The following TTLL10 variants were observed in gnomAD, a reference collection of about 807,000 sequenced individuals.
TTLL10 encodes tubulin tyrosine ligase like 10.
Under a neutral mutation model 69.0 loss-of-function variants are expected in TTLL10, and 61 were observed. The ratio of observed to expected loss-of-function variants is 0.88; its 90% confidence interval spans 0.72 to 1.09. The LOEUF (loss-of-function observed/expected upper bound fraction) is 1.09, where lower values mean the gene tolerates loss of function less well. TTLL10 is among the 50% of genes least tolerant of loss of function. The pLI, the probability that TTLL10 is intolerant of heterozygous loss-of-function variation, is 0.00. For missense variants in TTLL10, 962 were observed against 945.9 expected (o/e 1.02, Z -0.22); for synonymous variants, 408 against 393.3 (o/e 1.04, Z -0.44).
chr1:1,193,838 G>T (rs1648014161), intron 13 of TTLL10, among the ~76,000 whole-genome samples: 1 of 152,088 alleles, frequency 6.6e-6, no homozygotes, highest in African/African-American at 2.4e-5. Flanking sequence ...TTGTCCTGAG[G>T]ATTACCATTA....
rs553642565 is a variant in TTLL10 at position 1,180,396 on chromosome 1, G to T, written c.506+56G>T. 3.8e-4 allele frequency: 587 copies of T among 1,539,584 alleles called. 6 individuals are homozygous for T. In the East Asian group the frequency reaches 0.013, roughly 33 times the overall value. The stretch of plus-strand genomic sequence containing the variant: ...CACTGAATACCCACCGCCTGCTCCC[G>T]GGGCCCAGCCCGGCCTCCGCTGGCC... On this transcript the variant is annotated intron_variant, in intron 6 of 15. Coordinates refer to ENST00000379289, the MANE Select transcript of TTLL10 (RefSeq NM_001130045.2).
intron 13 of TTLL10, among the ~76,000 whole-genome samples, chr1:1,194,553 C>T (rs1648064417): frequency 6.6e-6 from 1 of 152,158 alleles, no homozygotes; most frequent in Admixed American, 6.6e-5. Flanking sequence ...ATGTCTTAAT[C>T]TCCCCTTCAT....
Position 1,197,573 on chromosome 1 carries a change from G to T in TTLL10, c.1748G>T (p.Arg583Leu). The change falls in exon 16 of 16, where the codon CGC becomes CTC. Residue 583 changes from arginine to leucine, a missense_variant. Transcript: ENST00000379289. ...CACCTGGGGGGCTCGTGCAGCCTCC[G>T]CCGCTGGCCGCCCCTGCCCACCCGC... ...RPHLGGSCSL[R>L]RWPPLPTRQA... 6.6e-7 allele frequency: 1 copy of T among 1,514,972 alleles called. No individual in the cohort carries two copies. The highest frequency in any genetic ancestry group is 1.2e-5 in the South Asian group (1 of 81,394). The allele number at this position is 1,514,972 out of a possible 1,614,324, so 93.8% of individuals were successfully genotyped here.
In TTLL10 at chr1:1,197,586, C is replaced by T. The variant is rs2274790; in HGVS notation, c.1761C>T (p.Pro587=). 2 of 1,513,560 alleles carry T rather than the reference C, an allele frequency of 1.3e-6. No individual in the cohort carries two copies. The highest frequency in any genetic ancestry group is 2.5e-5 in the South Asian group (2 of 81,262). 93.8% of individuals were successfully genotyped at this position (1,513,560 alleles called of 1,614,324 possible). The part of the protein sequence containing the change: ...GGSCSLRRWP[P]LPTRQAKSSG... ...CGTGCAGCCTCCGCCGCTGGCCGCC[C>T]CTGCCCACCCGCCAGGCCAAGTCCT... Residue 587 remains proline (P), a synonymous_variant, in exon 16 of 16, where the codon CCC becomes CCT. Coordinates refer to ENST00000379289, the MANE Select transcript of TTLL10 (RefSeq NM_001130045.2).
chr1:1,195,306 G>C (rs1648118035), intron 13 of TTLL10, among the ~76,000 whole-genome samples: 1 of 151,358 alleles, frequency 6.6e-6, no homozygotes, highest in African/African-American at 2.4e-5. Context: ...TTTTCTTTCT[G>C]TTCCTCAGAC....
chr1:1,197,902 C>T lies in TTLL10; in HGVS notation c.*55C>T. 5 of 1,376,094 alleles carry T rather than the reference C, an allele frequency of 3.6e-6. No individual in the cohort carries two copies. The highest frequency in any genetic ancestry group is 3.7e-6 in the Non-Finnish European group (4 of 1,066,782). The allele number at this position is 1,376,094 out of a possible 1,614,324, so 85.2% of individuals were successfully genotyped here. A position where few individuals can be genotyped will look rare whatever the true frequency, so the allele number is the denominator to read the frequency against. ...CCCCGCGCCCCAGCCGTGCTGCCTG[C>T]CCTCAGGGACCTATAAAGCCCACTT... On this transcript the variant is annotated 3_prime_UTR_variant, in exon 16 of 16. Coordinates refer to ENST00000379289, the MANE Select transcript of TTLL10 (RefSeq NM_001130045.2).
intron 13 of TTLL10, among the ~76,000 whole-genome samples, chr1:1,196,167 G>A (rs1319377515): frequency 6.6e-6 from 1 of 152,132 alleles, no homozygotes. Context: ...TTATAAATGA[G>A]GTCTATTTTG....
chr1:1,180,209 G>C lies in TTLL10; in HGVS notation c.375G>C (p.Ser125=). 1 of 1,610,956 alleles carries C rather than the reference G, an allele frequency of 6.2e-7. No homozygotes were observed. The highest frequency in any genetic ancestry group is 8.5e-7 in the Non-Finnish European group (1 of 1,179,302). The change falls in exon 6 of 16, where the codon TCG becomes TCC. Residue 125 remains serine (S), a synonymous_variant. Transcript: ENST00000379289. The part of the protein sequence containing the change: ...GLLNSHRPAD[S]DDTNAAGPSA... ...TGAACAGCCACCGGCCTGCAGACTC[G>C]GATGACACTAACGCCGCCGGGCCCT...
chr1:1,179,121 T>C, intron 3 of TTLL10, 68 bp from the exon 4 acceptor site: 5 of 1,117,164 alleles, frequency 4.5e-6, no homozygotes, highest in Non-Finnish European at 5.0e-6. Context: ...GCCTGCTCCA[T>C]CCAAGCACTG....
At chr1:1,195,386 ATTTGTTCTACT>A (rs1390415171) in intron 13 of TTLL10, among the ~76,000 whole-genome samples, 2 of 148,890 alleles carry the variant, frequency 1.3e-5, no homozygotes, top group South Asian at 2.1e-4. Flanking sequence ...TGCATGTTTT[ATTTGTTCTACT>A]TTTGTTCTAC....
chr1:1,179,165 G>A (rs961840188), intron 3 of TTLL10, 24 bp from the exon 4 acceptor site: 4 of 1,449,186 alleles, frequency 2.8e-6, no homozygotes, highest in Non-Finnish European at 3.7e-6. Flanking sequence ...CCACAGGAGG[G>A]TCAGAGCGGC....
chr1:1,185,290 T>C lies in TTLL10; in HGVS notation c.1401+181T>C. ...CTGCTCACTTAGCTGGCAGTGCCTG[T>C]CCCCAGCAGCCAGCAAAGGCCCGGA... On this transcript the variant is annotated intron_variant, in intron 13 of 15. Coordinates refer to ENST00000379289, the MANE Select transcript of TTLL10 (RefSeq NM_001130045.2). This position sits in a 1 kb window ranked among gnomAD's most constrained non-coding sequence, Gnocchi z 6.1. The C allele has an allele frequency of 7.1e-7, 1 of 1,407,292 alleles. No individual in the cohort carries two copies. The highest frequency in any genetic ancestry group is 9.2e-7 in the Non-Finnish European group (1 of 1,084,086). 87.2% of individuals were successfully genotyped at this position (1,407,292 alleles called of 1,614,324 possible).
intron 9 of TTLL10, 60 bp from the exon 10 acceptor site, chr1:1,182,301 C>T (rs1168176816): frequency 5.3e-6 from 8 of 1,501,758 alleles, no homozygotes; most frequent in Non-Finnish European, 7.4e-6. Flanking sequence ...GGCCTCAAAC[C>T]GCCCACCCAG....
Position 1,181,886 on chromosome 1 carries a change from G to A in TTLL10, c.830+71G>A. On this transcript the variant is annotated intron_variant, in intron 9 of 15. Coordinates refer to ENST00000379289, the MANE Select transcript of TTLL10 (RefSeq NM_001130045.2). The surrounding 1 kb of genome is among the most constrained non-coding windows in gnomAD (Gnocchi z 4.6). ...ACCTAAACCTGGTGTCGTCTGAAAA[G>A]GAGAAAGCGGGGCGGGGGTCCCACA... The A allele has an allele frequency of 7.1e-7, 1 of 1,410,964 alleles. No homozygotes were observed. Among genetic ancestry groups the A allele is most frequent in the Non-Finnish European group, 9.8e-7 (1 of 1,023,056 alleles). The allele number at this position is 1,410,964 out of a possible 1,614,324, so 87.4% of individuals were successfully genotyped here. A position where few individuals can be genotyped will look rare whatever the true frequency, so the allele number is the denominator to read the frequency against.
intron 13 of TTLL10, among the ~76,000 whole-genome samples, chr1:1,188,982 C>T (rs1012294668): frequency 1.3e-5 from 2 of 152,092 alleles, no homozygotes; most frequent in African/African-American, 4.8e-5. Flanking sequence ...AAAAATAAAA[C>T]TGATTTTTGT....
At chr1:1,176,437 T>C in intron 3 of TTLL10, 1 of 454,346 alleles carries the variant, frequency 2.2e-6, no homozygotes, top group Non-Finnish European at 4.4e-6. Context: ...AGCTCACAGC[T>C]GCTGCATCTT....
chr1:1,188,675 G>T (rs1647523686), intron 13 of TTLL10, among the ~76,000 whole-genome samples: 1 of 152,162 alleles, frequency 6.6e-6, no homozygotes, highest in South Asian at 2.1e-4. Flanking sequence ...AAAGTGCTGG[G>T]ATTACAGGTG....
intron 13 of TTLL10, among the ~76,000 whole-genome samples, chr1:1,188,893 T>A (rs1647542940): frequency 6.6e-6 from 1 of 152,256 alleles, no homozygotes; most frequent in African/African-American, 2.4e-5. Flanking sequence ...AATATTATTC[T>A]AGGTATTTTA....
intron 6 of TTLL10, 62 bp from the exon 7 acceptor site, chr1:1,180,421 C>T (rs542370852): frequency 1.9e-5 from 29 of 1,540,894 alleles, no homozygotes; most frequent in African/African-American, 8.2e-5. Flanking sequence ...CTCCGCTGGC[C>T]GCCCGCCATC....
Sources: gnomAD v4.1 joint callset for allele counts (sites outside exome capture counted in the v4.1 genomes callset) on GRCh38, gnomAD v4.1.1 for gene constraint, Gnocchi (gnomAD v3.1) non-coding constraint, MANE v1.5 for transcripts, NCBI Gene and HGNC (gene_info 2026-07-23, HGNC 2026-07-21) for gene names.